RELN: variants seen among roughly 807,000 people sequenced by gnomAD.
RELN encodes the protein reelin.
A neutral mutation model predicts 427.6 loss-of-function variants in RELN; 108 were observed. That is an observed-to-expected ratio of 0.25 (90% confidence interval 0.22 to 0.30). The LOEUF (loss-of-function observed/expected upper bound fraction) is 0.30, where lower values mean the gene tolerates loss of function less well. RELN is among the 10% of genes least tolerant of loss of function. The probability of loss-of-function intolerance (pLI) is 1.00; values close to 1 mark genes in which losing one functional copy is unlikely to be tolerated. For synonymous variants in RELN, 1,524 were observed against 1,513.4 expected (o/e 1.01, Z -0.16); for missense variants, 3,715 against 4,302.8 (o/e 0.86, Z 3.82).
At chr7:103,578,316 A>T (rs1831049584) in intron 28 of RELN, among the ~76,000 whole-genome samples, 1 of 152,140 alleles carries the variant, frequency 6.6e-6, no homozygotes, top group African/African-American at 2.4e-5. Flanking sequence ...GTACTAAGGA[A>T]CGCTTATTTA....
At chr7:103,600,566 T>A (rs763614607) in intron 24 of RELN, among the ~76,000 whole-genome samples, 1 of 152,162 alleles carries the variant, frequency 6.6e-6, no homozygotes, top group Non-Finnish European at 1.5e-5. Flanking sequence ...TGGTTCCAGG[T>A]CTCCCTTGCA....
intron 1 of RELN, among the ~76,000 whole-genome samples, chr7:103,955,068 T>C (rs770482362): frequency 2.0e-5 from 3 of 152,230 alleles, no homozygotes; most frequent in Non-Finnish European, 4.4e-5. Context: ...AGGTCTGGTG[T>C]TCAGATCTCA....
At chr7:103,775,806 T>C (rs1336395811) in intron 4 of RELN, among the ~76,000 whole-genome samples, 2 of 152,240 alleles carry the variant, frequency 1.3e-5, no homozygotes. Flanking sequence ...AAGCTCTATG[T>C]CAGCATCTGG....
intron 3 of RELN, 23 bp downstream of exon 3, chr7:103,833,514 T>C: frequency 6.2e-7 from 1 of 1,607,260 alleles, no homozygotes; most frequent in South Asian, 1.1e-5. Flanking sequence ...TCTGTACGTA[T>C]GGCAGACACT....
chr7:103,652,183 C>T (rs1352860008), intron 14 of RELN, among the ~76,000 whole-genome samples: 1 of 151,108 alleles, frequency 6.6e-6, no homozygotes, highest in Non-Finnish European at 1.5e-5. Context: ...TCTTGACATG[C>T]TAATTGATTT....
intron 2 of RELN, among the ~76,000 whole-genome samples, chr7:103,859,385 C>G (rs1347931598): frequency 6.6e-6 from 1 of 152,110 alleles, no homozygotes; most frequent in Non-Finnish European, 1.5e-5. Flanking sequence ...CCTCCACCTC[C>G]CAGGTTCAAG....
chr7:103,817,800 C>T (rs569444376), intron 3 of RELN, among the ~76,000 whole-genome samples: 10 of 151,420 alleles, frequency 6.6e-5, no homozygotes, highest in South Asian at 4.2e-4. Flanking sequence ...ACAAAACTAG[C>T]GAGGCGTGGT....
intron 16 of RELN, among the ~76,000 whole-genome samples, chr7:103,647,048 AG>A (rs1393095157): frequency 6.6e-6 from 1 of 151,412 alleles, no homozygotes; most frequent in Non-Finnish European, 1.5e-5. Flanking sequence ...AGGTGTAGAT[AG>A]AACATACCTC....
rs147828388 is a variant in RELN, at chr7:103,830,977, T to C, written c.473+2560A>G. Among the ~76,000 whole-genome samples, 67 of 152,238 alleles carry C rather than the reference T, an allele frequency of 4.4e-4. 3 individuals are homozygous for C. Among genetic ancestry groups the C allele is most frequent in the African/African-American group, 1.5e-3 (64 of 41,564 alleles). On this transcript the variant is annotated intron_variant, in intron 3 of 64. Coordinates refer to ENST00000428762, the MANE Select transcript of RELN (RefSeq NM_005045.4). Reference sequence around the variant, plus strand: ...ATAAAAACTGACGAAACTGTATTTTTCCAACTAACTGCTAAGAAAACACTG... The same window carrying C: ...ATAAAAACTGACGAAACTGTATTTTCCCAACTAACTGCTAAGAAAACACTG...
At chr7:103,982,674 A>G (rs1258560186) in intron 1 of RELN, among the ~76,000 whole-genome samples, 2 of 151,962 alleles carry the variant, frequency 1.3e-5, no homozygotes, top group Non-Finnish European at 2.9e-5. Flanking sequence ...TGGGAAGGAG[A>G]TGGGAAAGGC....
At chr7:103,645,956 A>G (rs2117375366) in intron 16 of RELN, among the ~76,000 whole-genome samples, 2 of 152,064 alleles carry the variant, frequency 1.3e-5, no homozygotes, top group South Asian at 4.1e-4. Flanking sequence ...AGTAGAATAA[A>G]ACTAGAAATT....
rs1213513875 is a variant in RELN at position 103,699,336 on chromosome 7, CTCTTT to C, written c.903-1248_903-1244del. 4.6e-5 allele frequency among the ~76,000 whole-genome samples: 7 copies of C among 152,204 alleles called. No homozygotes were observed. The East Asian group carries it at 1.2e-3, about 25-fold the overall frequency. ...ACCTTACCTTTGGGGGTAATCAATT[CTCTTT>C]TCTTTTAAAATATTTCATGATGACT... On this transcript the variant is annotated intron_variant, in intron 9 of 64. Coordinates refer to ENST00000428762, the MANE Select transcript of RELN (RefSeq NM_005045.4).
chr7:103,497,407 C>CT (rs150275579), intron 55 of RELN, among the ~76,000 whole-genome samples: 7 of 151,892 alleles, frequency 4.6e-5, no homozygotes, highest in South Asian at 4.2e-4. Flanking sequence ...CAAAATCAGA[C>CT]TTTTTTTTCA....
Position 103,497,970 on chromosome 7 carries a change from C to T in RELN, c.8844-44G>A, listed in dbSNP as rs768206960. The T allele has an allele frequency of 2.5e-6, 4 of 1,604,262 alleles. No homozygotes were observed. The South Asian group carries it at 3.3e-5, about 13-fold the overall frequency. ...TATCCATCAGAATAATTCATTAGAACAAATACTCTACTCAAGTCCTGGATA... is the reference window on the plus strand; with the variant it reads ...TATCCATCAGAATAATTCATTAGAATAAATACTCTACTCAAGTCCTGGATA... On this transcript the variant is annotated intron_variant, in intron 54 of 64. Coordinates refer to ENST00000428762, the MANE Select transcript of RELN (RefSeq NM_005045.4).
At chr7:103,695,201 T>C (rs563500355) in intron 10 of RELN, among the ~76,000 whole-genome samples, 1 of 152,194 alleles carries the variant, frequency 6.6e-6, no homozygotes, top group African/African-American at 2.4e-5. Flanking sequence ...TCCAAATCAC[T>C]TGGCAAAAGC....
intron 63 of RELN, among the ~76,000 whole-genome samples, chr7:103,479,962 AC>A (rs1828172931): frequency 6.6e-6 from 1 of 152,196 alleles, no homozygotes; most frequent in African/African-American, 2.4e-5. Context: ...GCCAACCTTC[AC>A]TTAAAAAAAG....
At chr7:103,805,321 A>G (rs924919618) in intron 3 of RELN, among the ~76,000 whole-genome samples, 2 of 152,164 alleles carry the variant, frequency 1.3e-5, no homozygotes, top group Non-Finnish European at 2.9e-5. Context: ...ATTAAAATCT[A>G]ATTTCCCAAA....
intron 2 of RELN, among the ~76,000 whole-genome samples, chr7:103,885,039 C>T (rs911165320): frequency 4.6e-5 from 7 of 152,192 alleles, no homozygotes; most frequent in East Asian, 1.9e-4. Context: ...CCCAAATGCT[C>T]ATCAATGATA....
chr7:103,814,413 C>T (rs928848332), intron 3 of RELN, among the ~76,000 whole-genome samples: 3 of 152,130 alleles, frequency 2.0e-5, no homozygotes, highest in Admixed American at 2.0e-4. Context: ...CTAGTTAGTG[C>T]TATACACTTA....
Sources: allele counts gnomAD v4.1 joint callset (sites outside exome capture counted in the v4.1 genomes callset), GRCh38; gene constraint gnomAD v4.1.1; transcripts MANE v1.5; gene names NCBI Gene and HGNC (gene_info 2026-07-23, HGNC 2026-07-21).